PARD3: variants seen among roughly 807,000 people sequenced by gnomAD.
PARD3 encodes the protein par-3 family cell polarity regulator.
Under a neutral mutation model 155.4 loss-of-function variants are expected in PARD3, and 75 were observed. The ratio of observed to expected loss-of-function variants is 0.48; its 90% CI spans 0.40 to 0.58. The LOEUF (loss-of-function observed/expected upper bound fraction) is 0.58. Ranked by LOEUF, PARD3 falls within the 20% of genes least tolerant of loss-of-function variation. The pLI, the probability that PARD3 is intolerant of heterozygous loss-of-function variation, is 0.00. For synonymous variants in PARD3, 576 were observed against 610.5 expected, an observed-to-expected ratio of 0.94 and a Z score of 0.83; for missense variants, 1,642 against 1,721.7, an observed-to-expected ratio of 0.95 and a Z score of 0.82.
At chr10:34,744,869 G>C (rs1201618882) in intron 1 of PARD3, among the ~76,000 whole-genome samples, 1 of 152,284 alleles carries the variant, frequency 6.6e-6, no homozygotes, top group East Asian at 1.9e-4. Context: ...CTCTCCAGAT[G>C]GTCATCACAA....
intron 24 of PARD3, among the ~76,000 whole-genome samples, chr10:34,119,257 T>C (rs567510636): frequency 6.6e-6 from 1 of 152,210 alleles, no homozygotes; most frequent in Non-Finnish European, 1.5e-5. Flanking sequence ...CTAATAACCA[T>C]ATGTGCTAAG....
intron 2 of PARD3, among the ~76,000 whole-genome samples, chr10:34,520,909 T>A (rs911352717): frequency 6.6e-6 from 1 of 152,228 alleles, no homozygotes; most frequent in Non-Finnish European, 1.5e-5. Flanking sequence ...TGGATTGCTA[T>A]ACTTGATTTT....
At chr10:34,757,766 A>T (rs1836936991) in intron 1 of PARD3, among the ~76,000 whole-genome samples, 1 of 152,190 alleles carries the variant, frequency 6.6e-6, no homozygotes, top group South Asian at 2.1e-4. Flanking sequence ...TACTCATGCC[A>T]ACTAGGACCA....
chr10:34,165,941 T>C (rs962228896), intron 22 of PARD3, among the ~76,000 whole-genome samples: 2 of 152,218 alleles, frequency 1.3e-5, no homozygotes, highest in Admixed American at 6.5e-5. Context: ...AATATACATA[T>C]ACAAGAAAGA....
chr10:34,561,825 G>A (rs968984076), intron 2 of PARD3, among the ~76,000 whole-genome samples: 5 of 151,302 alleles, frequency 3.3e-5, no homozygotes, highest in East Asian at 4.0e-4. Flanking sequence ...GCCCTGTAAC[G>A]CACATTTAAA....
At chr10:34,662,069 A>C (rs968842136) in intron 2 of PARD3, among the ~76,000 whole-genome samples, 1 of 152,144 alleles carries the variant, frequency 6.6e-6, no homozygotes, top group East Asian at 1.9e-4. Context: ...GCTACTTAAG[A>C]CAACTGCTCG....
intron 2 of PARD3, among the ~76,000 whole-genome samples, chr10:34,562,061 A>AG (rs897674333): frequency 6.1e-5 from 7 of 115,510 alleles, no homozygotes; most frequent in South Asian, 6.2e-4. Context: ...TGAACCTGGG[A>AG]GGGGGGGTGA....
intron 22 of PARD3, among the ~76,000 whole-genome samples, chr10:34,151,748 C>A (rs1393988970): frequency 6.6e-6 from 1 of 152,178 alleles, no homozygotes; most frequent in African/African-American, 2.4e-5. Flanking sequence ...CCCATAGGAG[C>A]AATGTTATAA....
intron 22 of PARD3, among the ~76,000 whole-genome samples, chr10:34,145,208 T>G: frequency 1.5e-5 from 1 of 68,126 alleles, no homozygotes; most frequent in Non-Finnish European, 2.9e-5. Flanking sequence ...TATATATATA[T>G]ATATATATAT....
intron 1 of PARD3, among the ~76,000 whole-genome samples, chr10:34,805,871 G>A (rs895937900): frequency 1.3e-5 from 2 of 151,880 alleles, no homozygotes; most frequent in Non-Finnish European, 2.9e-5. Context: ...CAGCTACTCG[G>A]GAGGCTGAGG....
At position 34,815,141 on chromosome 10, in the gene PARD3, CG is replaced by C. The variant is rs1482793895; in HGVS notation, c.-147del. On this transcript the variant is annotated 5_prime_UTR_variant, in exon 1 of 25. An upstream open reading frame in the 5' UTR loses its in-frame stop. Coordinates refer to ENST00000374788, the MANE Select transcript of PARD3 (RefSeq NM_001184785.2). ...GGGCGCGGGCAGGCGGCGGCGACGCCGGGGGGCCGCTCAGCTCGCATGCCCG... is the reference window on the plus strand; with the variant it reads ...GGGCGCGGGCAGGCGGCGGCGACGCCGGGGGCCGCTCAGCTCGCATGCCCG... The C allele has an allele frequency of 8.9e-6, 2 of 224,944 alleles. No homozygotes were observed. The highest frequency in any genetic ancestry group is 1.5e-5 in the Non-Finnish European group (2 of 133,534). 13.9% of individuals were successfully genotyped at this position (224,944 alleles called of 1,614,324 possible).
intron 3 of PARD3, among the ~76,000 whole-genome samples, chr10:34,506,738 A>G (rs7101236): frequency 0.1 from 15,849 of 152,234 alleles, 2,649 homozygotes; most frequent in African/African-American, 0.35. Flanking sequence ...ATGGATGAAA[A>G]ATGTCAACAG....
intron 3 of PARD3, among the ~76,000 whole-genome samples, chr10:34,481,409 G>C (rs1312064137): frequency 1.3e-5 from 2 of 152,096 alleles, no homozygotes; most frequent in Non-Finnish European, 2.9e-5. Flanking sequence ...GAGAGTGAAG[G>C]ACCTGGCCTG....
intron 2 of PARD3, among the ~76,000 whole-genome samples, chr10:34,600,180 C>A (rs867484755): frequency 1.1e-3 from 140 of 130,554 alleles, no homozygotes; most frequent in African/African-American, 1.5e-3. Flanking sequence ...ATCAAAAATA[C>A]AAAAAAAAAA....
chr10:34,458,991 G>A lies in PARD3; in HGVS notation c.583-8543C>T, dbSNP rs192874526. 2.1e-4 allele frequency among the ~76,000 whole-genome samples: 32 copies of A among 152,168 alleles called. 1 individual carries two copies. Among genetic ancestry groups the A allele is most frequent in the African/African-American group, 6.7e-4 (28 of 41,516 alleles). On this transcript the variant is annotated intron_variant, in intron 4 of 24. Coordinates refer to ENST00000374788, the MANE Select transcript of PARD3 (RefSeq NM_001184785.2). ...GAAAGAATAAATAAATAAATATTTC[G>A]GGTTCAATTAAATCTTGAAGATCTT...
At chr10:34,621,579 GAACCCA>G (rs1243035562) in intron 2 of PARD3, among the ~76,000 whole-genome samples, 1 of 152,098 alleles carries the variant, frequency 6.6e-6, no homozygotes, top group African/African-American at 2.4e-5. Flanking sequence ...CCCTAAGACA[GAACCCA>G]AACCCCACAG....
rs187541069 is a variant in PARD3, at chr10:34,519,582, G to C, written c.223-2423C>G. Among the ~76,000 whole-genome samples, 871 of 152,218 alleles carry C rather than the reference G, an allele frequency of 5.7e-3. 4 individuals are homozygous for C. Among genetic ancestry groups the C allele is most frequent in the African/African-American group, 0.019 (791 of 41,534 alleles). Reference sequence around the variant, plus strand: ...TAATCCCAGCACTTTGGGAGGCCTAGGCGGGCGGATCATTTGAGTTCAGGA... The same window carrying C: ...TAATCCCAGCACTTTGGGAGGCCTACGCGGGCGGATCATTTGAGTTCAGGA... On this transcript the variant is annotated intron_variant, in intron 2 of 24. Transcript: ENST00000374788.
At chr10:34,183,862 G>A (rs114436553) in intron 22 of PARD3, among the ~76,000 whole-genome samples, 367 of 152,266 alleles carry the variant, frequency 2.4e-3, no homozygotes, top group African/African-American at 8.3e-3. Context: ...TGTACGTGTC[G>A]TTAATCCTAT....
At chr10:34,731,087 A>T (rs1006126644) in intron 1 of PARD3, among the ~76,000 whole-genome samples, 1 of 151,076 alleles carries the variant, frequency 6.6e-6, no homozygotes, top group Non-Finnish European at 1.5e-5. Flanking sequence ...TTAAGTCATC[A>T]TTATAATCAT....
Sources: gnomAD v4.1 joint callset for allele counts (sites outside exome capture counted in the v4.1 genomes callset) on GRCh38, gnomAD v4.1.1 for gene constraint, MANE v1.5 for transcripts, NCBI Gene and HGNC (gene_info 2026-07-23, HGNC 2026-07-21) for gene names.